The following PRKG1 variants were observed in gnomAD, a reference collection of about 807,000 sequenced individuals.
PRKG1 encodes the protein cGMP-dependent protein kinase 1.
PRKG1 carries 35 observed loss-of-function variants against 88.1 expected under a neutral mutation model. That is an observed-to-expected ratio of 0.40 (90% CI 0.30 to 0.53). PRKG1 has a LOEUF of 0.53. Among genes scored for constraint, PRKG1 ranks in the 20% least tolerant of loss-of-function variants. PRKG1 has a pLI of 0.59. For missense variants in PRKG1, 540 were observed against 839.8 expected, an observed-to-expected ratio of 0.64 and a Z score of 4.41; for synonymous variants, 303 against 292.5, an observed-to-expected ratio of 1.04 and a Z score of -0.37.
chr10:51,173,370 T>G (rs1283664609), intron 2 of PRKG1, among the ~76,000 whole-genome samples: 1 of 151,874 alleles, frequency 6.6e-6, no homozygotes, highest in African/African-American at 2.4e-5. Context: ...TAATATCACT[T>G]GGACCATGTA....
intron 9 of PRKG1, among the ~76,000 whole-genome samples, chr10:52,231,694 C>T (rs552360046): frequency 1.3e-5 from 2 of 152,302 alleles, no homozygotes; most frequent in Admixed American, 6.5e-5. Context: ...TAGAACTCCA[C>T]TTCCTGTATA....
At chr10:52,141,003 T>C (rs1027570068) in intron 8 of PRKG1, among the ~76,000 whole-genome samples, 1 of 152,206 alleles carries the variant, frequency 6.6e-6, no homozygotes, top group Non-Finnish European at 1.5e-5. Context: ...GATTTTATTT[T>C]GGTTCATTTT....
At chr10:51,056,210 T>C (rs1843624212) in intron 1 of PRKG1, among the ~76,000 whole-genome samples, 1 of 152,204 alleles carries the variant, frequency 6.6e-6, no homozygotes, top group African/African-American at 2.4e-5. Flanking sequence ...TAATTTTCAC[T>C]TGTTCTCCAA....
At chr10:51,192,077 A>G (rs986200960) in intron 2 of PRKG1, among the ~76,000 whole-genome samples, 2 of 151,752 alleles carry the variant, frequency 1.3e-5, no homozygotes, top group Non-Finnish European at 2.9e-5. Context: ...CATATGCTGA[A>G]AAACTTCCCA....
chr10:51,559,387 C>T (rs1837400021), intron 3 of PRKG1, among the ~76,000 whole-genome samples: 1 of 152,080 alleles, frequency 6.6e-6, no homozygotes, highest in South Asian at 2.1e-4. Flanking sequence ...CAACTGATTG[C>T]ATTAGAGGTG....
At chr10:51,333,134 G>A (rs1841784645) in intron 2 of PRKG1, among the ~76,000 whole-genome samples, 1 of 152,190 alleles carries the variant, frequency 6.6e-6, no homozygotes. Flanking sequence ...TCTTAAAGAA[G>A]CTGGTATAAG....
At chr10:51,200,124 A>G (rs1171064118) in intron 2 of PRKG1, among the ~76,000 whole-genome samples, 1 of 152,200 alleles carries the variant, frequency 6.6e-6, no homozygotes, top group East Asian at 1.9e-4. Context: ...AAAATTTATG[A>G]GGTGAAAAAT....
chr10:52,186,294 G>A lies in PRKG1; in HGVS notation c.1076+24331G>A, dbSNP rs573527202. On this transcript the variant is annotated intron_variant, in intron 9 of 17. Transcript: ENST00000373980. ...TGGTAGCAAGAGAGAGAGAGGTGGA[G>A]CATCCCAGACTTTTAAACAACCAAA... 6.6e-5 allele frequency among the ~76,000 whole-genome samples: 10 copies of A among 152,208 alleles called. No individual in the cohort carries two copies. In the South Asian group the frequency reaches 2.1e-3, roughly 32 times the overall value.
intron 1 of PRKG1, among the ~76,000 whole-genome samples, chr10:50,992,152 G>A (rs953118246): frequency 3.3e-5 from 5 of 152,076 alleles, no homozygotes; most frequent in Non-Finnish European, 4.4e-5. Flanking sequence ...GCTCAACTTA[G>A]GGACTGAACT....
At chr10:52,289,716 T>C (rs1842197935) in intron 16 of PRKG1, among the ~76,000 whole-genome samples, 2 of 152,080 alleles carry the variant, frequency 1.3e-5, no homozygotes, top group African/African-American at 4.8e-5. Flanking sequence ...GTACACAAAA[T>C]ATCTTTATTC....
chr10:51,653,909 A>G (rs1017273570), intron 3 of PRKG1, among the ~76,000 whole-genome samples: 2 of 152,186 alleles, frequency 1.3e-5, no homozygotes, highest in Admixed American at 6.5e-5. Flanking sequence ...TTTTCTTGCT[A>G]AGGTTGAGTT....
intron 1 of PRKG1, among the ~76,000 whole-genome samples, chr10:51,142,164 C>A (rs902734098): frequency 2.6e-5 from 4 of 151,998 alleles, no homozygotes; most frequent in African/African-American, 9.7e-5. Context: ...TAAGAGAAAA[C>A]AAATGTGAAC....
chr10:51,815,233 G>A (rs1375346784), intron 4 of PRKG1, among the ~76,000 whole-genome samples: 1 of 152,146 alleles, frequency 6.6e-6, no homozygotes, highest in Non-Finnish European at 1.5e-5. Flanking sequence ...AATCTTTCCT[G>A]TAGTAAGGCT....
chr10:51,099,857 G>A (rs946187691), intron 1 of PRKG1, among the ~76,000 whole-genome samples: 9 of 152,118 alleles, frequency 5.9e-5, no homozygotes, highest in African/African-American at 1.7e-4. Context: ...TCATGAGCCC[G>A]TTTAATAAGA....
chr10:51,904,540 C>T (rs1354805181), intron 4 of PRKG1, among the ~76,000 whole-genome samples: 1 of 151,962 alleles, frequency 6.6e-6, no homozygotes, highest in South Asian at 2.1e-4. Context: ...CAGAATTTAT[C>T]TAGTGTTTGC....
intron 4 of PRKG1, among the ~76,000 whole-genome samples, chr10:51,843,452 T>C (rs2132784213): frequency 6.6e-6 from 1 of 152,306 alleles, no homozygotes; most frequent in South Asian, 2.1e-4. Flanking sequence ...CAGCTTAATA[T>C]AGAAGGCTTG....
At chr10:51,543,748 G>A (rs1842373031) in intron 3 of PRKG1, among the ~76,000 whole-genome samples, 4 of 152,140 alleles carry the variant, frequency 2.6e-5, no homozygotes, top group Admixed American at 2.0e-4. Context: ...TACTGCCATG[G>A]GTGAACAGGG....
In PRKG1 at chr10:51,735,930, C is replaced by CTTT. The variant is rs1180307253; in HGVS notation, c.593-68635_593-68633dup. Among the ~76,000 whole-genome samples, 197 of 74,918 alleles carry CTTT rather than the reference C, an allele frequency of 2.6e-3. 1 individual carries two copies. Among genetic ancestry groups the CTTT allele is most frequent in the Middle Eastern group, 0.012 (1 of 82 alleles). 49.1% of individuals were successfully genotyped at this position (74,918 alleles called of 152,430 possible). A position where few individuals can be genotyped will look rare whatever the true frequency, so the allele number is the denominator to read the frequency against. On this transcript the variant is annotated intron_variant, in intron 3 of 17. Coordinates refer to ENST00000373980, the MANE Select transcript of PRKG1 (RefSeq NM_006258.4). ...ATTTTTCCCTCCAACTTTAAGTTGT[C>CTTT]TTTTTTTTTTTTTTTTTTTTTTGGA... is the stretch of plus-strand genomic sequence containing the variant.
chr10:51,000,435 G>A (rs1839807661), intron 1 of PRKG1, among the ~76,000 whole-genome samples: 1 of 152,174 alleles, frequency 6.6e-6, no homozygotes, highest in Non-Finnish European at 1.5e-5. Context: ...GAGAGCCTCT[G>A]ATCTGAGCTA....
Sources: gnomAD v4.1 joint callset for allele counts (sites outside exome capture counted in the v4.1 genomes callset) on GRCh38, gnomAD v4.1.1 for gene constraint, MANE v1.5 for transcripts, NCBI Gene and HGNC (gene_info 2026-07-23, HGNC 2026-07-21) for gene names.